The following ADGRA1 variants were observed in gnomAD, a reference collection of about 807,000 sequenced individuals.
The protein encoded by ADGRA1 is G-protein coupled receptor 123.
In ADGRA1, 12 loss-of-function variants were observed where a neutral mutation model predicts 21.3. The observed-to-expected ratio is 0.56, with a 90% confidence interval of 0.36 to 0.91. The LOEUF (loss-of-function observed/expected upper bound fraction) is 0.91, where lower values mean the gene tolerates loss of function less well. ADGRA1 is among the 40% of genes least tolerant of loss of function. The probability of loss-of-function intolerance (pLI) is 0.01; values close to 1 mark genes in which losing one functional copy is unlikely to be tolerated. For synonymous variants in ADGRA1, 385 were observed against 368.8 expected, an observed-to-expected ratio of 1.04 and a Z score of -0.50; for missense variants, 790 against 805.6, an observed-to-expected ratio of 0.98 and a Z score of 0.23.
intron 5 of ADGRA1, among the ~76,000 whole-genome samples, chr10:133,126,580 C>G (rs1339653010): frequency 6.6e-6 from 1 of 152,166 alleles, no homozygotes; most frequent in African/African-American, 2.4e-5. Flanking sequence ...AGCAAGTGCA[C>G]CCGGTCCGGG....
Position 133,094,108 on chromosome 10 carries a change from C to T in ADGRA1, c.4-2866C>T, listed in dbSNP as rs1230080594. 2.6e-5 allele frequency among the ~76,000 whole-genome samples: 4 copies of T among 152,266 alleles called. No homozygotes were observed. In the East Asian group the frequency reaches 5.8e-4, roughly 22 times the overall value. On this transcript the variant is annotated intron_variant, in intron 2 of 6. Coordinates refer to ENST00000392607, the MANE Select transcript of ADGRA1 (RefSeq NM_001083909.3). ...TCCAGGCGTCCACGCCTGCCCTTGCCGCCTCAGTCCGTGTGAAACCTCACA... is the reference window on the plus strand; with the variant it reads ...TCCAGGCGTCCACGCCTGCCCTTGCTGCCTCAGTCCGTGTGAAACCTCACA...
At chr10:133,096,473 C>T (rs1851690803) in intron 2 of ADGRA1, among the ~76,000 whole-genome samples, 1 of 152,238 alleles carries the variant, frequency 6.6e-6, no homozygotes, top group South Asian at 2.1e-4. Context: ...TCCACTCTTT[C>T]TCCACCTCTC....
intron 5 of ADGRA1, among the ~76,000 whole-genome samples, chr10:133,119,436 C>G (rs140557947): frequency 3.1e-4 from 47 of 152,324 alleles, no homozygotes; most frequent in South Asian, 1.0e-3. Context: ...CATTGATAGA[C>G]TTTTCTTTTC....
intron 5 of ADGRA1, among the ~76,000 whole-genome samples, chr10:133,110,365 G>A (rs1034333182): frequency 1.3e-5 from 2 of 152,296 alleles, no homozygotes; most frequent in African/African-American, 2.4e-5. Context: ...GGCAGGTGCT[G>A]CCGTCAGTCA....
intron 5 of ADGRA1, among the ~76,000 whole-genome samples, chr10:133,121,748 G>A (rs1461073897): frequency 6.9e-6 from 1 of 145,260 alleles, no homozygotes; most frequent in Admixed American, 6.8e-5. Flanking sequence ...TGTGGTGTGT[G>A]CCAGTGTGCG....
chr10:133,098,991 C>G (rs1257458551), intron 4 of ADGRA1, among the ~76,000 whole-genome samples: 1 of 152,250 alleles, frequency 6.6e-6, no homozygotes, highest in African/African-American at 2.4e-5. Context: ...TAACCTGACA[C>G]TTACTGTCCC....
At chr10:133,096,266 C>T (rs4075620) in intron 2 of ADGRA1, among the ~76,000 whole-genome samples, 40,955 of 152,058 alleles carry the variant, frequency 0.27, 5,738 homozygotes, top group South Asian at 0.44. Context: ...CCGGTGAGCT[C>T]ACCTCACTCA....
intron 2 of ADGRA1, chr10:133,095,881 T>A: frequency 7.0e-7 from 1 of 1,421,016 alleles, no homozygotes; most frequent in Non-Finnish European, 9.4e-7. Context: ...GCCGGCTGCC[T>A]CCTCCTGCCC....
In ADGRA1 at chr10:133,104,343, A is replaced by G. The variant is rs141256899; in HGVS notation, c.401+1501A>G. Among the ~76,000 whole-genome samples the G allele has an allele frequency of 4.8e-3, 729 of 152,302 alleles. 7 individuals carry two copies. The highest frequency in any genetic ancestry group is 0.017 in the African/African-American group (705 of 41,578). The stretch of plus-strand genomic sequence containing the variant: ...CCCCTGGGTGTATAAATCACTCTCA[A>G]AATGCGTTTCCTCATCTGTAATTGA... On this transcript the variant is annotated intron_variant, in intron 5 of 6. Coordinates refer to ENST00000392607, the MANE Select transcript of ADGRA1 (RefSeq NM_001083909.3).
chr10:133,115,642 C>T (rs1037777973), intron 5 of ADGRA1, among the ~76,000 whole-genome samples: 22 of 152,138 alleles, frequency 1.4e-4, no homozygotes, highest in Non-Finnish European at 2.2e-4. Flanking sequence ...GCCAGGACCC[C>T]GCCGGCACTG....
chr10:133,097,200 T>A (rs1851704266), intron 3 of ADGRA1, 99 bp downstream of exon 3: 16 of 1,424,618 alleles, frequency 1.1e-5, no homozygotes, highest in Non-Finnish European at 1.5e-5. Flanking sequence ...CCCCCTCATG[T>A]AGCAAGAAGT....
At chr10:133,123,294 G>A (rs1282524058) in intron 5 of ADGRA1, among the ~76,000 whole-genome samples, 3 of 152,220 alleles carry the variant, frequency 2.0e-5, no homozygotes, top group African/African-American at 2.4e-5. Context: ...TCTCTTCTGG[G>A]CCGCCCACTC....
At chr10:133,105,092 A>G (rs184932626) in intron 5 of ADGRA1, among the ~76,000 whole-genome samples, 242 of 152,272 alleles carry the variant, frequency 1.6e-3, no homozygotes, top group Non-Finnish European at 2.0e-3. Flanking sequence ...TACATGGCCC[A>G]CACGTTATCC....
chr10:133,111,009 C>A (rs1320651439), intron 5 of ADGRA1, among the ~76,000 whole-genome samples: 2 of 152,108 alleles, frequency 1.3e-5, no homozygotes, highest in Admixed American at 6.5e-5. Context: ...TGTGGCTGAA[C>A]TGGGGAGGTT....
chr10:133,099,507 A>T (rs1201066066), intron 4 of ADGRA1, among the ~76,000 whole-genome samples: 1 of 152,116 alleles, frequency 6.6e-6, no homozygotes, highest in East Asian at 1.9e-4. Context: ...GAAAAGAACG[A>T]CACACAGAAG....
chr10:133,111,214 A>G (rs1305683287), intron 5 of ADGRA1, among the ~76,000 whole-genome samples: 956 of 44,958 alleles, frequency 0.021, 110 homozygotes, highest in East Asian at 0.055. Context: ...CAACCTGCCC[A>G]CCACAGGCAC....
chr10:133,096,927 A>C, intron 2 of ADGRA1, 47 bp from the exon 3 acceptor site: 2 of 1,585,364 alleles, frequency 1.3e-6, no homozygotes, highest in South Asian at 2.2e-5. Context: ...CGCCGCCCAC[A>C]CAGACCCACC....
At chr10:133,103,704 G>A (rs1306847726) in intron 5 of ADGRA1, among the ~76,000 whole-genome samples, 1 of 152,236 alleles carries the variant, frequency 6.6e-6, no homozygotes, top group Admixed American at 6.5e-5. Flanking sequence ...GAAAAAGCCG[G>A]GTCAGGGAGC....
chr10:133,109,431 C>T lies in ADGRA1; in HGVS notation c.401+6589C>T, dbSNP rs112555988. Among the ~76,000 whole-genome samples the T allele has an allele frequency of 4.9e-3, 752 of 152,208 alleles. 9 individuals carry two copies. Among genetic ancestry groups the T allele is most frequent in the African/African-American group, 0.017 (701 of 41,546 alleles). On this transcript the variant is annotated intron_variant, in intron 5 of 6. Coordinates refer to ENST00000392607, the MANE Select transcript of ADGRA1 (RefSeq NM_001083909.3). The stretch of plus-strand genomic sequence containing the variant: ...CTGGAAGCCTGACTGCTTGCCCCCA[C>T]GACCACTCCCCAGACCCCCCATTGC...
Sources: allele counts gnomAD v4.1 joint callset (sites outside exome capture counted in the v4.1 genomes callset), GRCh38; gene constraint gnomAD v4.1.1; transcripts MANE v1.5; gene names NCBI Gene and HGNC (gene_info 2026-07-23, HGNC 2026-07-21).